The following KCNAB1 variants were observed in gnomAD, a reference collection of about 807,000 sequenced individuals.
The protein encoded by KCNAB1 is voltage-gated potassium channel subunit beta-1.
KCNAB1 carries 35 observed loss-of-function variants against 64.6 expected under a neutral mutation model. That is an observed-to-expected ratio of 0.54 (90% CI 0.41 to 0.72). The LOEUF (loss-of-function observed/expected upper bound fraction) is 0.72, where lower values mean the gene tolerates loss of function less well. Ranked by LOEUF, KCNAB1 falls within the 30% of genes least tolerant of loss-of-function variation. The pLI is 0.00. For missense variants in KCNAB1, 401 were observed against 512.9 expected (o/e 0.78, Z 2.11); for synonymous variants, 177 against 183.8 (o/e 0.96, Z 0.30).
intron 1 of KCNAB1, among the ~76,000 whole-genome samples, chr3:156,379,821 G>A (rs1712016391): frequency 6.6e-6 from 1 of 152,126 alleles, no homozygotes; most frequent in Non-Finnish European, 1.5e-5. Context: ...CTCTTGGGAG[G>A]TGGTTTCAAT....
chr3:156,244,123 A>C (rs1408793838), intron 1 of KCNAB1, among the ~76,000 whole-genome samples: 1 of 152,204 alleles, frequency 6.6e-6, no homozygotes, highest in African/African-American at 2.4e-5. Flanking sequence ...TAGTGGCTTA[A>C]AACAACACAA....
chr3:156,218,786 C>CAAAAAAA (rs1228783831), intron 1 of KCNAB1, among the ~76,000 whole-genome samples: 6 of 92,580 alleles, frequency 6.5e-5, no homozygotes, highest in African/African-American at 9.0e-5. Context: ...CCCAGAACAG[C>CAAAAAAA]AAAAAAAAAA....
intron 1 of KCNAB1, among the ~76,000 whole-genome samples, chr3:156,208,247 C>G (rs1221284113): frequency 2.6e-5 from 4 of 152,094 alleles, no homozygotes; most frequent in Non-Finnish European, 4.4e-5. Context: ...GCTGCTCCTA[C>G]TTGATCTTTG....
chr3:156,257,657 C>T (rs1363549628), intron 1 of KCNAB1, among the ~76,000 whole-genome samples: 1 of 152,068 alleles, frequency 6.6e-6, no homozygotes, highest in Non-Finnish European at 1.5e-5. Flanking sequence ...ATAATGTATC[C>T]CCATGATCAC....
At chr3:156,142,054 G>C (rs1368181894) in intron 1 of KCNAB1, among the ~76,000 whole-genome samples, 1 of 152,152 alleles carries the variant, frequency 6.6e-6, no homozygotes, top group Non-Finnish European at 1.5e-5. Flanking sequence ...ATCTTCTTCA[G>C]TGAAATGTTT....
intron 4 of KCNAB1, 57 bp downstream of exon 4, chr3:156,457,589 G>T (rs1335847904): frequency 1.4e-6 from 2 of 1,430,002 alleles, no homozygotes; most frequent in Non-Finnish European, 2.0e-6. Flanking sequence ...AAAAGAATCA[G>T]CCCAGACCAT....
intron 1 of KCNAB1, among the ~76,000 whole-genome samples, chr3:156,363,687 A>G (rs1342981950): frequency 1.3e-5 from 2 of 152,166 alleles, no homozygotes; most frequent in African/African-American, 4.8e-5. Context: ...ATGTTGGTCC[A>G]TGGTGGTCTT....
chr3:156,208,955 C>T (rs551449085), intron 1 of KCNAB1, among the ~76,000 whole-genome samples: 17 of 152,216 alleles, frequency 1.1e-4, no homozygotes, highest in South Asian at 8.3e-4. Flanking sequence ...AAATGCATAA[C>T]GTAAGAAATG....
chr3:156,287,515 ATCC>A (rs1720165764), intron 1 of KCNAB1, among the ~76,000 whole-genome samples: 1 of 152,098 alleles, frequency 6.6e-6, no homozygotes, highest in African/African-American at 2.4e-5. Flanking sequence ...CACGCTATAC[ATCC>A]TATATACAAT....
intron 1 of KCNAB1, among the ~76,000 whole-genome samples, chr3:156,342,752 C>G (rs1302250308): frequency 1.3e-5 from 2 of 151,988 alleles, no homozygotes; most frequent in Non-Finnish European, 2.9e-5. Context: ...CCAATGAAAG[C>G]TCCCTATGTG....
intron 1 of KCNAB1, among the ~76,000 whole-genome samples, chr3:156,357,788 A>G (rs912253578): frequency 6.9e-6 from 1 of 144,260 alleles, no homozygotes; most frequent in Non-Finnish European, 1.5e-5. Context: ...GTATTATTTT[A>G]TATTTTTATA....
chr3:156,484,827 T>C (rs1160454166), intron 8 of KCNAB1, among the ~76,000 whole-genome samples: 3 of 149,672 alleles, frequency 2.0e-5, no homozygotes, highest in Non-Finnish European at 4.5e-5. Flanking sequence ...GTGGTTTTGT[T>C]AACCCCCCTC....
At chr3:156,383,868 A>G (rs1255840322) in intron 1 of KCNAB1, among the ~76,000 whole-genome samples, 1 of 152,192 alleles carries the variant, frequency 6.6e-6, no homozygotes, top group Non-Finnish European at 1.5e-5. Flanking sequence ...TGAGCCTCGC[A>G]GCTCTGCCAC....
intron 1 of KCNAB1, among the ~76,000 whole-genome samples, chr3:156,130,808 C>T (rs182086244): frequency 1.3e-5 from 2 of 152,342 alleles, no homozygotes; most frequent in African/African-American, 2.4e-5. Flanking sequence ...TGCTTCTTGT[C>T]CTGCACCTGT....
intron 11 of KCNAB1, 177 bp from the exon 12 acceptor site, chr3:156,523,649 AC>A: frequency 1.6e-6 from 1 of 634,286 alleles, no homozygotes; most frequent in Non-Finnish European, 2.8e-6. Flanking sequence ...GAACCAATAA[AC>A]AAGGAGCAAG....
intron 2 of KCNAB1, among the ~76,000 whole-genome samples, chr3:156,425,670 G>A (rs1480785496): frequency 6.6e-6 from 1 of 152,190 alleles, no homozygotes; most frequent in Non-Finnish European, 1.5e-5. Flanking sequence ...TTCATCTTAA[G>A]CAAACATTTA....
intron 13 of KCNAB1, among the ~76,000 whole-genome samples, chr3:156,533,669 G>A (rs969921782): frequency 2.6e-4 from 40 of 152,284 alleles, no homozygotes; most frequent in African/African-American, 8.7e-4. Context: ...CCAGGCAGGA[G>A]GCGATGGTGG....
At chr3:156,468,637 A>C (rs978857344) in intron 7 of KCNAB1, among the ~76,000 whole-genome samples, 2 of 152,210 alleles carry the variant, frequency 1.3e-5, no homozygotes, top group African/African-American at 4.8e-5. Flanking sequence ...CATTGAGCAC[A>C]GTGTCTGTCA....
chr3:156,337,791 G>GA (rs1484878382), intron 1 of KCNAB1, among the ~76,000 whole-genome samples: 1 of 152,046 alleles, frequency 6.6e-6, no homozygotes, highest in African/African-American at 2.4e-5. Context: ...ATCCCTACCT[G>GA]AAAAAATGAT....
Sources: allele counts gnomAD v4.1 joint callset (sites outside exome capture counted in the v4.1 genomes callset), GRCh38; gene constraint gnomAD v4.1.1; transcripts MANE v1.5; gene names NCBI Gene and HGNC (gene_info 2026-07-23, HGNC 2026-07-21).